The following EXOC6B variants were observed in gnomAD, a reference collection of about 807,000 sequenced individuals.
EXOC6B encodes the protein exocyst complex component 6B, also known as SEC15 homolog B.
A neutral mutation model predicts 113.5 loss-of-function variants in EXOC6B; 54 were observed. The ratio of observed to expected loss-of-function variants is 0.48; its 90% confidence interval spans 0.38 to 0.60. EXOC6B has a LOEUF of 0.60. Among genes scored for constraint, EXOC6B ranks in the 20% least tolerant of loss-of-function variants. The pLI, the probability that EXOC6B is intolerant of heterozygous loss-of-function variation, is 0.00. For synonymous variants in EXOC6B, 357 were observed against 339.0 expected (o/e 1.05, Z -0.58); for missense variants, 797 against 977.5 (o/e 0.82, Z 2.46).
chr2:72,776,025 GTC>G (rs1683681193), intron 1 of EXOC6B, among the ~76,000 whole-genome samples: 2 of 152,104 alleles, frequency 1.3e-5, no homozygotes, highest in African/African-American at 4.8e-5. Flanking sequence ...GGTACATGGA[GTC>G]TCTCTCTAAT....
chr2:72,657,657 C>T (rs986067408), intron 6 of EXOC6B, among the ~76,000 whole-genome samples: 7 of 132,164 alleles, frequency 5.3e-5, no homozygotes, highest in African/African-American at 1.8e-4. Flanking sequence ...CTCAAATAGC[C>T]GTCTTGGAAC....
chr2:72,476,877 C>T (rs1013697720), intron 17 of EXOC6B, among the ~76,000 whole-genome samples: 10 of 152,306 alleles, frequency 6.6e-5, no homozygotes, highest in African/African-American at 2.2e-4. Flanking sequence ...AATCTTTGCA[C>T]ATGAAGTTAA....
chr2:72,579,230 C>T (rs1226196017), intron 6 of EXOC6B, among the ~76,000 whole-genome samples: 1 of 151,986 alleles, frequency 6.6e-6, no homozygotes, highest in Admixed American at 6.6e-5. Flanking sequence ...AACAGTGGGG[C>T]CATTCCAAGC....
At chr2:72,418,481 A>G (rs913923898) in intron 18 of EXOC6B, among the ~76,000 whole-genome samples, 1 of 152,192 alleles carries the variant, frequency 6.6e-6, no homozygotes, top group Non-Finnish European at 1.5e-5. Flanking sequence ...TTTGTTTTAT[A>G]TATGTTGATG....
At chr2:72,342,587 T>C (rs998297019) in intron 19 of EXOC6B, among the ~76,000 whole-genome samples, 1 of 152,098 alleles carries the variant, frequency 6.6e-6, no homozygotes, top group Non-Finnish European at 1.5e-5. Flanking sequence ...ATACTGTTAT[T>C]GGGAATGTAA....
chr2:72,498,358 G>A, intron 13 of EXOC6B, 96 bp downstream of exon 13: 1 of 730,026 alleles, frequency 1.4e-6, no homozygotes, highest in Non-Finnish European at 2.2e-6. Flanking sequence ...ACATATACTT[G>A]TTGCCTATAA....
rs921701647 is a variant in EXOC6B, at chr2:72,764,668, C to G, written c.114-23199G>C. Among the ~76,000 whole-genome samples the G allele has an allele frequency of 2.3e-4, 35 of 152,078 alleles. 1 individual carries two copies. The highest frequency in any genetic ancestry group is 7.5e-4 in the African/African-American group (31 of 41,504). On this transcript the variant is annotated intron_variant, in intron 1 of 21. Transcript: ENST00000272427. The stretch of plus-strand genomic sequence containing the variant: ...GGCATGAGCCACCGTGCCTGACCCC[C>G]TTACTTTCTCTTTATATCTTTTCCT...
At position 72,175,993 on chromosome 2, in the gene EXOC6B, A is replaced by G. The variant is rs1424156128; in HGVS notation, c.*3342T>C. On this transcript the variant is annotated 3_prime_UTR_variant, in exon 22 of 22. Coordinates refer to ENST00000272427, the MANE Select transcript of EXOC6B (RefSeq NM_015189.3). ...CCATGAGACAACACCGTGGCTTTTG[A>G]AACAGGTATGTAGGCTTTCTTGTTT... 1.3e-5 allele frequency: 2 copies of G among 152,270 alleles called. No homozygotes were observed. The highest frequency in any genetic ancestry group is 2.9e-5 in the Non-Finnish European group (2 of 68,074). 9.4% of individuals were successfully genotyped at this position (152,270 alleles called of 1,614,324 possible). A position where few individuals can be genotyped will look rare whatever the true frequency, so the allele number is the denominator to read the frequency against.
intron 19 of EXOC6B, among the ~76,000 whole-genome samples, chr2:72,355,738 A>G (rs748502233): frequency 1.4e-4 from 21 of 152,232 alleles, no homozygotes; most frequent in Non-Finnish European, 2.4e-4. Flanking sequence ...GAGGCTAAGG[A>G]TAGCAGGTAA....
chr2:72,439,868 A>G lies in EXOC6B; in HGVS notation c.1980+25292T>C, dbSNP rs556862254. ...ATCTTTGTGGGCTTATCCACCTTCAATCCTTCAGATTGCTGACCTTTGGAT... is the reference window on the plus strand; with the variant it reads ...ATCTTTGTGGGCTTATCCACCTTCAGTCCTTCAGATTGCTGACCTTTGGAT... On this transcript the variant is annotated intron_variant, in intron 18 of 21. Coordinates refer to ENST00000272427, the MANE Select transcript of EXOC6B (RefSeq NM_015189.3). 1.9e-4 allele frequency among the ~76,000 whole-genome samples: 29 copies of G among 152,236 alleles called. No individual in the cohort carries two copies. In the South Asian group the frequency reaches 5.6e-3, roughly 29 times the overall value.
At chr2:72,184,222 T>C in intron 20 of EXOC6B, 35 bp from the exon 21 acceptor site, 5 of 1,181,604 alleles carry the variant, frequency 4.2e-6, no homozygotes, top group South Asian at 1.3e-5. Context: ...CAGGGATTAG[T>C]CAGACAGACA....
intron 1 of EXOC6B, among the ~76,000 whole-genome samples, chr2:72,799,100 C>T (rs1412077104): frequency 6.6e-6 from 1 of 151,478 alleles, no homozygotes; most frequent in African/African-American, 2.4e-5. Flanking sequence ...ATTACCCGGG[C>T]ATGGTAGCGC....
At chr2:72,236,889 C>T (rs1681989339) in intron 20 of EXOC6B, among the ~76,000 whole-genome samples, 1 of 152,120 alleles carries the variant, frequency 6.6e-6, no homozygotes, top group Non-Finnish European at 1.5e-5. Flanking sequence ...TAACTATCAA[C>T]AACAGATTAC....
At position 72,499,889 on chromosome 2, in the gene EXOC6B, G is replaced by T; in HGVS notation, c.1239+12C>A. ...CAATCTAGATGAGCATATGTAAACA[G>T]AAATCACATACCTGAAGTGTGTCAG... On this transcript the variant is annotated intron_variant, in intron 12 of 21. Coordinates refer to ENST00000272427, the MANE Select transcript of EXOC6B (RefSeq NM_015189.3). 6.5e-7 allele frequency: 1 copy of T among 1,534,030 alleles called. No individual in the cohort carries two copies. The highest frequency in any genetic ancestry group is 8.8e-7 in the Non-Finnish European group (1 of 1,130,516).
At chr2:72,261,433 T>A (rs535332840) in intron 20 of EXOC6B, among the ~76,000 whole-genome samples, 7 of 152,196 alleles carry the variant, frequency 4.6e-5, no homozygotes, top group African/African-American at 1.4e-4. Flanking sequence ...CTGGAAGGAG[T>A]TTGGGTTTGC....
At chr2:72,512,994 T>C (rs1439103168) in intron 11 of EXOC6B, 138 bp downstream of exon 11, 2 of 999,286 alleles carry the variant, frequency 2.0e-6, no homozygotes, top group Non-Finnish European at 2.9e-6. Flanking sequence ...AAGCAGCTAC[T>C]TCTATGTCTT....
At chr2:72,570,435 G>A (rs918148724) in intron 7 of EXOC6B, among the ~76,000 whole-genome samples, 1 of 152,082 alleles carries the variant, frequency 6.6e-6, no homozygotes, top group Non-Finnish European at 1.5e-5. Context: ...CATCCCAGAA[G>A]GCTTTCTATT....
intron 20 of EXOC6B, among the ~76,000 whole-genome samples, chr2:72,208,447 T>C (rs1679967149): frequency 1.3e-5 from 2 of 152,222 alleles, no homozygotes; most frequent in African/African-American, 4.8e-5. Context: ...TAGTATTCCA[T>C]GGTGTATATG....
At chr2:72,704,679 A>G (rs1360195716) in intron 6 of EXOC6B, among the ~76,000 whole-genome samples, 6 of 152,000 alleles carry the variant, frequency 3.9e-5, no homozygotes, top group African/African-American at 1.4e-4. Flanking sequence ...ACAAACTACC[A>G]TCAGGGAATA....
Sources: gnomAD v4.1 joint callset for allele counts (sites outside exome capture counted in the v4.1 genomes callset) on GRCh38, gnomAD v4.1.1 for gene constraint, MANE v1.5 for transcripts, NCBI Gene and HGNC (gene_info 2026-07-23, HGNC 2026-07-21) for gene names.